Variants in CLVS1 observed in about 807,000 individuals in gnomAD.
CLVS1 encodes clavesin 1, also known as clavesin-1.
Under a neutral mutation model 33.1 loss-of-function variants are expected in CLVS1, and 10 were observed. The observed-to-expected ratio is 0.30, with a 90% CI of 0.19 to 0.51. The LOEUF (loss-of-function observed/expected upper bound fraction) is 0.51. Among genes scored for constraint, CLVS1 ranks in the 20% least tolerant of loss-of-function variants. The pLI is 0.97. For missense variants in CLVS1, 343 were observed against 433.4 expected (o/e 0.79, Z 1.85); for synonymous variants, 163 against 166.1 (o/e 0.98, Z 0.14).
intron 2 of CLVS1, among the ~76,000 whole-genome samples, chr8:61,133,560 C>G (rs1395771009): frequency 6.6e-6 from 1 of 152,126 alleles, no homozygotes; most frequent in Non-Finnish European, 1.5e-5. Flanking sequence ...CATTGAGGAG[C>G]TGAGAAGTCA....
chr8:60,978,285 T>C, the CLVS1 span, among the ~76,000 whole-genome samples: 1 of 152,252 alleles, frequency 6.6e-6, no homozygotes, highest in African/African-American at 2.4e-5. Context: ...ATATGGTATG[T>C]ATCTTCTTTT....
At chr8:61,233,862 A>G (rs999751709) in intron 2 of CLVS1, among the ~76,000 whole-genome samples, 22 of 152,248 alleles carry the variant, frequency 1.4e-4, no homozygotes, top group African/African-American at 4.3e-4. Context: ...AGGCTGCCCC[A>G]GGCTGACCTC....
At chr8:61,284,578 G>A (rs969374795), upstream of CLVS1, among the ~76,000 whole-genome samples, 2 of 152,108 alleles carry the variant, frequency 1.3e-5, no homozygotes, top group Non-Finnish European at 1.5e-5. Context: ...CCAAAGTGTC[G>A]GTAGTGTGTC....
rs114432711 is a variant in CLVS1, at chr8:61,124,240, G to A, written c.-242-7530G>A. 5.2e-3 allele frequency among the ~76,000 whole-genome samples: 794 copies of A among 152,216 alleles called. 6 individuals carry two copies. Among genetic ancestry groups the A allele is most frequent in the African/African-American group, 0.016 (675 of 41,514 alleles). ...TGGTTGAGTTTTAAAACCACGAGTC[G>A]AATTAAAGCGAGGAATATATATAAC... On this transcript the variant is annotated intron_variant, in intron 1 of 2. Transcript: ENST00000522621.
chr8:60,966,823 G>A, the CLVS1 span, among the ~76,000 whole-genome samples: 1 of 152,124 alleles, frequency 6.6e-6, no homozygotes, highest in Non-Finnish European at 1.5e-5. Context: ...GTATTTTTAC[G>A]TTTCCAGGCA....
At chr8:60,998,964 G>A in the CLVS1 span, among the ~76,000 whole-genome samples, 12 of 152,152 alleles carry the variant, frequency 7.9e-5, no homozygotes, top group South Asian at 4.2e-4. Flanking sequence ...ACAGAGATGA[G>A]CCTCCCAGGT....
chr8:61,208,028 G>C (rs1271612341), intron 2 of CLVS1, among the ~76,000 whole-genome samples: 1 of 152,224 alleles, frequency 6.6e-6, no homozygotes, highest in Non-Finnish European at 1.5e-5. Context: ...AGCGGCCACA[G>C]CCAGCAGGAA....
At chr8:60,976,080 C>A in the CLVS1 span, among the ~76,000 whole-genome samples, 2 of 152,140 alleles carry the variant, frequency 1.3e-5, no homozygotes, top group Admixed American at 1.3e-4. Flanking sequence ...CATTGAGTGC[C>A]ATCACTTTGA....
intron 5 of CLVS1, among the ~76,000 whole-genome samples, chr8:61,492,590 A>C (rs1804132379): frequency 6.6e-6 from 1 of 152,206 alleles, no homozygotes; most frequent in South Asian, 2.1e-4. Flanking sequence ...TTTTGGTAGA[A>C]ATACATGATA....
At chr8:61,103,260 T>G (rs918373556) in intron 1 of CLVS1, among the ~76,000 whole-genome samples, 2 of 151,594 alleles carry the variant, frequency 1.3e-5, no homozygotes, top group African/African-American at 4.9e-5. Flanking sequence ...AAATGAGGGA[T>G]AGCAGTGAAA....
intron 3 of CLVS1, among the ~76,000 whole-genome samples, chr8:61,407,780 T>C (rs1229087938): frequency 6.6e-6 from 1 of 152,158 alleles, no homozygotes; most frequent in Admixed American, 6.6e-5. Flanking sequence ...ATTTCAGGGA[T>C]CTCAATAATT....
intron 2 of CLVS1, among the ~76,000 whole-genome samples, chr8:61,214,235 A>T (rs1276201320): frequency 3.3e-5 from 5 of 152,072 alleles, no homozygotes; most frequent in African/African-American, 1.2e-4. Context: ...TTGCCTTGTG[A>T]TATTCTATTA....
intron 5 of CLVS1, among the ~76,000 whole-genome samples, chr8:61,491,964 G>A (rs1246692254): frequency 6.6e-6 from 1 of 152,180 alleles, no homozygotes; most frequent in East Asian, 1.9e-4. Flanking sequence ...GGGGCAGGAG[G>A]AGGGTTTTGT....
chr8:61,484,718 A>T (rs559539777), intron 5 of CLVS1, among the ~76,000 whole-genome samples: 132 of 152,332 alleles, frequency 8.7e-4, no homozygotes, highest in Admixed American at 4.4e-3. Context: ...AGTAACCAAA[A>T]CAGCATGGTA....
At chr8:61,476,152 C>G (rs1330079249) in intron 5 of CLVS1, among the ~76,000 whole-genome samples, 1 of 152,264 alleles carries the variant, frequency 6.6e-6, no homozygotes, top group East Asian at 1.9e-4. Context: ...TTCCATTGAT[C>G]TATATCTCTG....
the CLVS1 span, among the ~76,000 whole-genome samples, chr8:60,970,470 C>T: frequency 6.6e-5 from 10 of 152,280 alleles, no homozygotes; most frequent in African/African-American, 1.4e-4. Flanking sequence ...CTAAGAAAAG[C>T]GTGTGGGAGG....
chr8:61,068,010 C>T (rs1158923255), intron 1 of CLVS1, among the ~76,000 whole-genome samples: 4 of 139,442 alleles, frequency 2.9e-5, no homozygotes, highest in Non-Finnish European at 1.5e-5. Context: ...AGAGAGAGAC[C>T]TTGTCTCTAT....
chr8:61,282,962 T>C (rs1195111980), upstream of CLVS1, among the ~76,000 whole-genome samples: 2 of 152,210 alleles, frequency 1.3e-5, no homozygotes, highest in African/African-American at 4.8e-5. Context: ...TGTGCAGCAA[T>C]GAGTGATCAA....
intron 2 of CLVS1, among the ~76,000 whole-genome samples, chr8:61,367,326 T>C (rs371430735): frequency 4.2e-4 from 64 of 152,336 alleles, no homozygotes; most frequent in Middle Eastern, 3.4e-3. Context: ...TCCTTTTCAT[T>C]TGCCCCATTG....
Sources: allele counts gnomAD v4.1 joint callset (sites outside exome capture counted in the v4.1 genomes callset), GRCh38; gene constraint gnomAD v4.1.1; transcripts MANE v1.5; gene names NCBI Gene and HGNC (gene_info 2026-07-23, HGNC 2026-07-21).